The following VWA3B variants were observed in gnomAD, a reference collection of about 807,000 sequenced individuals.
The protein encoded by VWA3B is von Willebrand factor A domain containing 3B.
VWA3B carries 138 observed loss-of-function variants against 158.3 expected under a neutral mutation model. That is an observed-to-expected ratio of 0.87 (90% CI 0.76 to 1.00). The LOEUF (loss-of-function observed/expected upper bound fraction) is 1.00. VWA3B is among the 50% of genes least tolerant of loss of function. The pLI is 0.00. For missense variants in VWA3B, 1,555 were observed against 1,565.1 expected (o/e 0.99, Z 0.11); for synonymous variants, 596 against 587.3 (o/e 1.01, Z -0.21).
intron 12 of VWA3B, among the ~76,000 whole-genome samples, chr2:98,197,120 T>C (rs1682119129): frequency 6.6e-6 from 1 of 152,224 alleles, no homozygotes; most frequent in Non-Finnish European, 1.5e-5. Flanking sequence ...TCTGTGACAG[T>C]TCTTCAATCT....
chr2:98,299,969 T>G (rs1316951031), intron 24 of VWA3B, 110 bp from the exon 25 acceptor site: 3 of 1,376,246 alleles, frequency 2.2e-6, no homozygotes, highest in Non-Finnish European at 3.0e-6. Flanking sequence ...TCTATTTGAA[T>G]TTTAGCATCA....
Position 98,275,431 on chromosome 2 carries a change from G to C in VWA3B, c.3045+4548G>C, listed in dbSNP as rs551217955. On this transcript the variant is annotated intron_variant, in intron 22 of 27. Coordinates refer to ENST00000477737, the MANE Select transcript of VWA3B (RefSeq NM_144992.5). ...CAGGTGCTGGGAGAGGAGGAGGAGA[G>C]AGTAGAAGGGACCAAGGCGGATGAG... Among the ~76,000 whole-genome samples, 174 of 152,188 alleles carry C rather than the reference G, an allele frequency of 1.1e-3. 1 individual carries two copies. The highest frequency in any genetic ancestry group is 4.1e-3 in the African/African-American group (169 of 41,516).
At chr2:98,328,356 G>T in the VWA3B span, among the ~76,000 whole-genome samples, 1 of 152,056 alleles carries the variant, frequency 6.6e-6, no homozygotes, top group Non-Finnish European at 1.5e-5. Flanking sequence ...CCTGGCCACT[G>T]CAATAAGGCA....
intron 5 of VWA3B, among the ~76,000 whole-genome samples, chr2:98,122,557 T>C (rs1261908002): frequency 6.6e-6 from 1 of 152,240 alleles, no homozygotes; most frequent in African/African-American, 2.4e-5. Flanking sequence ...CCTTTGAGTT[T>C]GTTTTAACAT....
chr2:98,222,324 T>C (rs1684580052), intron 14 of VWA3B, among the ~76,000 whole-genome samples: 1 of 152,160 alleles, frequency 6.6e-6, no homozygotes. Flanking sequence ...AGATACATAG[T>C]TATGCCCAAG....
intron 7 of VWA3B, among the ~76,000 whole-genome samples, chr2:98,157,370 A>C (rs1473018193): frequency 6.6e-6 from 1 of 152,188 alleles, no homozygotes; most frequent in East Asian, 1.9e-4. Context: ...TGGTTAGGGC[A>C]GTGGGGCTGG....
rs763163327 is a variant in VWA3B at position 98,093,048 on chromosome 2, A to ATTGCCCTT, written c.-32-12_-32-5dup. 11 of 1,580,306 alleles carry ATTGCCCTT rather than the reference A, an allele frequency of 7.0e-6. No homozygotes were observed. The African/African-American group carries it at 1.4e-4, about 19-fold the overall frequency. The stretch of plus-strand genomic sequence containing the variant: ...AGTTTTTAGGAAGTCTGAGTTTATG[A>ATTGCCCTT]TTGCCCTTACAGGAGTTTGCTGTGA... On this transcript the variant is annotated splice_polypyrimidine_tract_variant and intron_variant, in intron 1 of 27. Transcript: ENST00000477737.
At chr2:98,179,883 CCT>C (rs142226331) in intron 8 of VWA3B, among the ~76,000 whole-genome samples, 54,112 of 132,234 alleles carry the variant, frequency 0.41, 11,740 homozygotes, top group Middle Eastern at 0.62. Flanking sequence ...TTCCTCCCTC[CCT>C]CTCTCTCTTT....
intron 8 of VWA3B, among the ~76,000 whole-genome samples, chr2:98,163,781 G>A (rs1168739263): frequency 6.6e-6 from 1 of 152,222 alleles, no homozygotes; most frequent in African/African-American, 2.4e-5. Context: ...AGAGAGGCCA[G>A]TGTGATCAGA....
intron 22 of VWA3B, among the ~76,000 whole-genome samples, chr2:98,289,199 T>A (rs1026601161): frequency 2.6e-5 from 4 of 152,168 alleles, no homozygotes; most frequent in African/African-American, 9.6e-5. Flanking sequence ...TTTTTGCATA[T>A]GTTAGATATA....
chr2:98,227,535 T>C (rs1685013338), intron 14 of VWA3B, among the ~76,000 whole-genome samples: 1 of 152,230 alleles, frequency 6.6e-6, no homozygotes, highest in African/African-American at 2.4e-5. Context: ...TAATAAATAG[T>C]ATACAATAGA....
At chr2:98,132,127 T>C (rs1234135707) in intron 6 of VWA3B, among the ~76,000 whole-genome samples, 1 of 152,172 alleles carries the variant, frequency 6.6e-6, no homozygotes, top group Non-Finnish European at 1.5e-5. Flanking sequence ...AGGGAATAAT[T>C]TCCTGTGAGA....
At chr2:98,304,429 T>A (rs1690389977) in intron 26 of VWA3B, among the ~76,000 whole-genome samples, 1 of 152,136 alleles carries the variant, frequency 6.6e-6, no homozygotes. Flanking sequence ...TGAAGTTGGA[T>A]GTTGAGCAAG....
rs146946936 is a variant in VWA3B, at chr2:98,203,972, T to C, written c.1738-7958T>C. On this transcript the variant is annotated intron_variant, in intron 12 of 27. Transcript: ENST00000477737. ...ACTTAAAAGATATAACAACTACTTA[T>C]GTAGAATTTACATTTTGTTAGATAT... Among the ~76,000 whole-genome samples the C allele has an allele frequency of 6.4e-3, 980 of 152,364 alleles. 6 individuals carry two copies. Among genetic ancestry groups the C allele is most frequent in the African/African-American group, 0.022 (921 of 41,588 alleles).
intron 15 of VWA3B, 87 bp downstream of exon 15, chr2:98,228,419 C>A: frequency 1.4e-6 from 2 of 1,438,360 alleles, no homozygotes; most frequent in South Asian, 3.2e-5. Context: ...TTCTGAAATG[C>A]TCTGTGAAAT....
intron 8 of VWA3B, among the ~76,000 whole-genome samples, chr2:98,167,698 T>A (rs1679206562): frequency 1.3e-5 from 2 of 152,306 alleles, no homozygotes; most frequent in East Asian, 1.9e-4. Context: ...TTCATTTGAA[T>A]ACTGATCCGC....
intron 3 of VWA3B, among the ~76,000 whole-genome samples, chr2:98,117,008 A>C (rs112882918): frequency 6.6e-6 from 1 of 152,142 alleles, no homozygotes; most frequent in South Asian, 2.1e-4. Context: ...ATATCATCCA[A>C]TTCTTGGATT....
intron 2 of VWA3B, among the ~76,000 whole-genome samples, chr2:98,100,148 C>T (rs1424169046): frequency 6.6e-6 from 1 of 152,196 alleles, no homozygotes; most frequent in South Asian, 2.1e-4. Flanking sequence ...TGTGGTTGTA[C>T]ATCAATGTCT....
At chr2:98,110,447 G>T (rs1674051905) in intron 2 of VWA3B, among the ~76,000 whole-genome samples, 1 of 151,770 alleles carries the variant, frequency 6.6e-6, no homozygotes, top group Non-Finnish European at 1.5e-5. Context: ...TATGTTTATG[G>T]TTGTTGCTTT....
Sources: allele counts gnomAD v4.1 joint callset (sites outside exome capture counted in the v4.1 genomes callset), GRCh38; gene constraint gnomAD v4.1.1; transcripts MANE v1.5; gene names NCBI Gene and HGNC (gene_info 2026-07-23, HGNC 2026-07-21).